Variants in UGT8 observed in about 807,000 individuals in gnomAD.
UGT8 encodes UDP glycosyltransferase 8, also known as 2-hydroxyacylsphingosine 1-beta-galactosyltransferase.
A neutral mutation model predicts 40.5 loss-of-function variants in UGT8; 12 were observed. The observed-to-expected ratio is 0.30, with a 90% CI of 0.19 to 0.48. UGT8 has a LOEUF of 0.48. Among genes scored for constraint, UGT8 ranks in the 20% least tolerant of loss-of-function variants. The pLI is 0.99. For synonymous variants in UGT8, 224 were observed against 240.4 expected (o/e 0.93, Z 0.63); for missense variants, 513 against 648.7 (o/e 0.79, Z 2.27).
Position 114,676,098 on chromosome 4 carries a change from T to G in UGT8, c.1436T>G (p.Phe479Cys). The change falls in exon 6 of 6, where the codon TTT becomes TGT. Residue 479 changes from phenylalanine (F) to cysteine (C), a missense_variant. Coordinates refer to ENST00000310836, the MANE Select transcript of UGT8 (RefSeq NM_001128174.3). ...FCQYFLLDIA[F>C]VLLLGAALLY... is the part of the protein sequence containing the mutation. Reference sequence around the variant, plus strand: ...CAGTATTTTTTACTGGATATTGCCTTTGTGCTTTTGCTTGGTGCTGCCTTG... The same window carrying G: ...CAGTATTTTTTACTGGATATTGCCTGTGTGCTTTTGCTTGGTGCTGCCTTG... The G allele has an allele frequency of 6.2e-7, 1 of 1,614,234 alleles. No homozygotes were observed. The highest frequency in any genetic ancestry group is 1.1e-5 in the South Asian group (1 of 91,088).
intron 5 of UGT8, among the ~76,000 whole-genome samples, chr4:114,673,350 T>A (rs1173239853): frequency 6.6e-6 from 1 of 152,194 alleles, no homozygotes; most frequent in African/African-American, 2.4e-5. Context: ...TTCCAGTTGA[T>A]CCATGGACCT....
At chr4:114,624,666 G>A (rs532832040) in intron 2 of UGT8, among the ~76,000 whole-genome samples, 11 of 152,244 alleles carry the variant, frequency 7.2e-5, no homozygotes, top group South Asian at 4.1e-4. Context: ...AGATTTTCTC[G>A]TATAGATGAG....
intron 2 of UGT8, among the ~76,000 whole-genome samples, chr4:114,640,054 G>A (rs567094249): frequency 7.2e-5 from 10 of 138,172 alleles, no homozygotes; most frequent in East Asian, 4.4e-4. Context: ...TTTTTGAGAC[G>A]GAGTCTCGCT....
At chr4:114,644,800 A>C (rs917696046) in intron 2 of UGT8, among the ~76,000 whole-genome samples, 1 of 152,090 alleles carries the variant, frequency 6.6e-6, no homozygotes, top group East Asian at 1.9e-4. Flanking sequence ...TGTGTTGAGC[A>C]TGGAGTTGTC....
At chr4:114,673,154 T>C (rs1735405740) in intron 5 of UGT8, among the ~76,000 whole-genome samples, 2 of 83,518 alleles carry the variant, frequency 2.4e-5, no homozygotes. Flanking sequence ...AACTTAGAGG[T>C]GTCTGGAGTG....
intron 2 of UGT8, among the ~76,000 whole-genome samples, chr4:114,657,308 T>C (rs1734249980): frequency 6.6e-6 from 1 of 152,270 alleles, no homozygotes; most frequent in African/African-American, 2.4e-5. Context: ...GTAACTGTAC[T>C]GGCAAAATTA....
intron 2 of UGT8, among the ~76,000 whole-genome samples, chr4:114,630,913 T>A (rs956403591): frequency 2.0e-5 from 3 of 152,138 alleles, no homozygotes; most frequent in Admixed American, 6.5e-5. Flanking sequence ...CTATCCATTC[T>A]CCTGACTCTG....
At chr4:114,633,115 C>T (rs1732678380) in intron 2 of UGT8, among the ~76,000 whole-genome samples, 1 of 152,030 alleles carries the variant, frequency 6.6e-6, no homozygotes, top group East Asian at 1.9e-4. Context: ...AAGAGATGGC[C>T]ACACTTAAAA....
intron 2 of UGT8, 43 bp from the exon 3 acceptor site, chr4:114,663,952 A>G (rs757086357): frequency 1.7e-5 from 28 of 1,609,662 alleles, no homozygotes; most frequent in South Asian, 2.2e-5. Flanking sequence ...ATTATAAACT[A>G]CATTGGTCTT....
At chr4:114,611,527 C>CCA (rs2126088772) in intron 1 of UGT8, among the ~76,000 whole-genome samples, 2 of 37,476 alleles carry the variant, frequency 5.3e-5, no homozygotes, top group South Asian at 2.6e-3. Flanking sequence ...CCGTATATAT[C>CCA]CATATATATA....
chr4:114,674,621 T>C (rs1266059694), intron 5 of UGT8, among the ~76,000 whole-genome samples: 1 of 152,236 alleles, frequency 6.6e-6, no homozygotes, highest in Non-Finnish European at 1.5e-5. Context: ...ACTCATCTTC[T>C]TCCAATCTAA....
At chr4:114,615,930 C>T (rs1731393898) in intron 1 of UGT8, among the ~76,000 whole-genome samples, 1 of 152,020 alleles carries the variant, frequency 6.6e-6, no homozygotes, top group Non-Finnish European at 1.5e-5. Flanking sequence ...TGGTGAACAG[C>T]AAATGTTGCT....
chr4:114,614,456 A>G (rs151039983), intron 1 of UGT8, among the ~76,000 whole-genome samples: 38 of 152,322 alleles, frequency 2.5e-4, no homozygotes, highest in African/African-American at 8.2e-4. Flanking sequence ...ATGGAATAGT[A>G]ACACAATATT....
rs561931508 is a variant in UGT8 at position 114,644,846 on chromosome 4, A to G, written c.823-19149A>G. The stretch of plus-strand genomic sequence containing the variant: ...TCTGCATGGTCCCTCTACAGCTGAA[A>G]GTGGCCCACTTGCCTCTTAAGTTAT... On this transcript the variant is annotated intron_variant, in intron 2 of 5. Transcript: ENST00000310836. Among the ~76,000 whole-genome samples, 77 of 152,232 alleles carry G rather than the reference A, an allele frequency of 5.1e-4. 1 individual carries two copies. The highest frequency in any genetic ancestry group is 3.4e-3 in the Middle Eastern group (1 of 294).
chr4:114,650,078 A>G (rs1178143905), intron 2 of UGT8, among the ~76,000 whole-genome samples: 2 of 152,290 alleles, frequency 1.3e-5, no homozygotes, highest in Admixed American at 6.5e-5. Flanking sequence ...CGATTCTGCA[A>G]TTGCCCTGAG....
At chr4:114,652,045 T>C (rs1195829183) in intron 2 of UGT8, among the ~76,000 whole-genome samples, 2 of 152,032 alleles carry the variant, frequency 1.3e-5, no homozygotes, top group Non-Finnish European at 2.9e-5. Flanking sequence ...CACGTTCAAA[T>C]ATGAACAGAA....
chr4:114,605,355 C>T (rs1730674569), intron 1 of UGT8, among the ~76,000 whole-genome samples: 1 of 152,064 alleles, frequency 6.6e-6, no homozygotes, highest in African/African-American at 2.4e-5. Context: ...TTGGAATAAT[C>T]ACTATATTGA....
chr4:114,614,527 G>A (rs1247784230), intron 1 of UGT8, among the ~76,000 whole-genome samples: 1 of 152,100 alleles, frequency 6.6e-6, no homozygotes, highest in Non-Finnish European at 1.5e-5. Context: ...AAAAGCAAAA[G>A]TGATTGTGTT....
intron 2 of UGT8, among the ~76,000 whole-genome samples, chr4:114,654,913 T>C (rs930741981): frequency 5.3e-5 from 8 of 152,114 alleles, no homozygotes; most frequent in African/African-American, 1.9e-4. Context: ...TTTAGCTGTT[T>C]ATGGGAACAT....
Sources: allele counts gnomAD v4.1 joint callset (sites outside exome capture counted in the v4.1 genomes callset), GRCh38; gene constraint gnomAD v4.1.1; transcripts MANE v1.5; gene names NCBI Gene and HGNC (gene_info 2026-07-23, HGNC 2026-07-21).